The following YWHAZ variants were observed in gnomAD, a reference collection of about 807,000 sequenced individuals.
YWHAZ encodes 14-3-3 protein zeta/delta.
For synonymous variants in YWHAZ, 87 were observed against 103.6 expected (o/e 0.84, Z 0.97); for missense variants, 79 against 284.8 (o/e 0.28, Z 5.20).
chr8:100,946,132 T>C (rs897583083), intron 2 of YWHAZ, among the ~76,000 whole-genome samples: 5 of 152,198 alleles, frequency 3.3e-5, no homozygotes, highest in Admixed American at 3.3e-4. Context: ...TCCTTAATAA[T>C]CATAACAAGA....
intron 1 of YWHAZ, 109 bp from the exon 2 acceptor site, chr8:100,949,009 T>C: frequency 7.9e-7 from 1 of 1,261,184 alleles, no homozygotes; most frequent in East Asian, 2.4e-5. Context: ...TAACTGCCTG[T>C]GAAAGACTGT....
At chr8:100,952,230 C>G (rs1031864581), upstream of YWHAZ, 13 of 886,620 alleles carry the variant, frequency 1.5e-5, no homozygotes, top group Admixed American at 5.6e-4. Flanking sequence ...CGAGCGGAGG[C>G]GCGCGCGTCC....
intron 2 of YWHAZ, chr8:100,935,008 T>C (rs539466217): frequency 6.7e-6 from 1 of 150,350 alleles, no homozygotes; most frequent in South Asian, 2.1e-4. Context: ...AAAAAAAAAA[T>C]TGGATGTGGT....
At chr8:100,950,155 A>C (rs1462870607) in intron 1 of YWHAZ, among the ~76,000 whole-genome samples, 1 of 152,226 alleles carries the variant, frequency 6.6e-6, no homozygotes, top group Non-Finnish European at 1.5e-5. Context: ...CAATACGTAA[A>C]CTATTTAACC....
Position 100,917,393 on chromosome 8 carries a change from T to C in YWHAZ, c.*3300A>G, listed in dbSNP as rs1476643838. The stretch of plus-strand genomic sequence containing the variant: ...TACTAATCACACTGCTGCTCCACTT[T>C]CTGAAGGACAACTCTTAAGTGGCCA... On this transcript the variant is annotated 3_prime_UTR_variant, in exon 6 of 6. Transcript: ENST00000395958. The C allele has an allele frequency of 6.6e-6, 1 of 151,846 alleles. No individual in the cohort carries two copies. Among genetic ancestry groups the C allele is most frequent in the Non-Finnish European group, 1.5e-5 (1 of 67,950 alleles). 9.4% of individuals were successfully genotyped at this position (151,846 alleles called of 1,614,324 possible).
intron 1 of YWHAZ, chr8:100,951,127 C>A (rs192330272): frequency 1.0e-6 from 1 of 981,558 alleles, no homozygotes; most frequent in Non-Finnish European, 1.2e-6. Flanking sequence ...CTTCCTCCCA[C>A]CGCGGAGCCC....
chr8:100,922,468 C>G lies in YWHAZ; in HGVS notation c.678+1487G>C, dbSNP rs965795183. 8 of 151,608 alleles carry G rather than the reference C, an allele frequency of 5.3e-5. No individual in the cohort carries two copies. Among genetic ancestry groups the G allele is most frequent in the African/African-American group, 1.5e-4 (6 of 41,196 alleles). 9.4% of individuals were successfully genotyped at this position (151,608 alleles called of 1,614,324 possible). ...GCGGTGTGATCTCAGCTCACTGCAA[C>G]CTCTGCCTCCCGGGTTCAAGCAATT... On this transcript the variant is annotated intron_variant, in intron 5 of 5. Coordinates refer to ENST00000395958, the MANE Select transcript of YWHAZ (RefSeq NM_145690.3). This position sits in a 1 kb window ranked among gnomAD's most constrained non-coding sequence, Gnocchi z 4.1.
chr8:100,951,172 C>A, intron 1 of YWHAZ: 1 of 985,248 alleles, frequency 1.0e-6, no homozygotes, highest in East Asian at 1.1e-4. Context: ...GCGAGCCCCA[C>A]CCCAAAACCT....
intron 1 of YWHAZ, chr8:100,950,772 A>G (rs960635144): frequency 5.0e-6 from 1 of 198,922 alleles, no homozygotes; most frequent in Non-Finnish European, 8.9e-6. Context: ...CCGCTCTCCC[A>G]CCCAGCGCCT....
Position 100,927,714 on chromosome 8 carries a change from A to AAT in YWHAZ, c.295-2676_295-2675insAT, listed in dbSNP as rs533004923. On this transcript the variant is annotated intron_variant, in intron 2 of 5. Transcript: ENST00000395958. ...GGAAAGGTGTTGATAAATGCTACTA[A>AAT]AAGTAGTAATCTATCTTTTGTAGGT... 1.1e-4 allele frequency among the ~76,000 whole-genome samples: 17 copies of AAT among 152,326 alleles called. No homozygotes were observed. In the East Asian group the frequency reaches 3.3e-3, roughly 29 times the overall value.
chr8:100,930,873 C>T (rs1440702995), intron 2 of YWHAZ, among the ~76,000 whole-genome samples: 2 of 152,120 alleles, frequency 1.3e-5, no homozygotes, highest in Non-Finnish European at 1.5e-5. Context: ...ACAGCATTCA[C>T]CCTAATAATA....
At chr8:100,952,242 C>G (rs1586173896), upstream of YWHAZ, 1 of 740,790 alleles carries the variant, frequency 1.3e-6, no homozygotes, top group East Asian at 1.3e-4. Flanking sequence ...CGCGCGTCCT[C>G]GCCCGCAGCC....
intron 2 of YWHAZ, among the ~76,000 whole-genome samples, chr8:100,929,890 G>A (rs1036420267): frequency 1.3e-5 from 2 of 152,166 alleles, no homozygotes; most frequent in Admixed American, 6.5e-5. Context: ...GGTGCACCAA[G>A]TAGAGAATGG....
At chr8:100,947,391 T>C (rs905390021) in intron 2 of YWHAZ, among the ~76,000 whole-genome samples, 2 of 152,164 alleles carry the variant, frequency 1.3e-5, no homozygotes, top group African/African-American at 4.8e-5. Context: ...GTAGCTATCA[T>C]TCTAAAGGTT....
At chr8:100,950,492 A>AC (rs1810637591) in intron 1 of YWHAZ, 1 of 983,724 alleles carries the variant, frequency 1.0e-6, no homozygotes, top group African/African-American at 1.8e-5. Flanking sequence ...TATCGCAACC[A>AC]CCCCCCTCCA....
chr8:100,952,823 GCCTC>G, upstream of YWHAZ: 1 of 1,000,542 alleles, frequency 1.0e-6, no homozygotes, highest in Non-Finnish European at 1.2e-6. Flanking sequence ...GCCCCTCCCG[GCCTC>G]CCTCCCGCCG....
chr8:100,928,605 C>T (rs1330555109), intron 2 of YWHAZ, among the ~76,000 whole-genome samples: 3 of 151,908 alleles, frequency 2.0e-5, no homozygotes, highest in Admixed American at 1.3e-4. Flanking sequence ...TGGTGGCACA[C>T]GCCTGGAATC....
At chr8:100,938,405 GA>G (rs886740022) in intron 2 of YWHAZ, among the ~76,000 whole-genome samples, 8 of 152,140 alleles carry the variant, frequency 5.3e-5, no homozygotes, top group Non-Finnish European at 1.5e-5. Context: ...AAAATTCAAT[GA>G]CTCAATGAAA....
chr8:100,930,530 C>T (rs545046240), intron 2 of YWHAZ, among the ~76,000 whole-genome samples: 1 of 152,362 alleles, frequency 6.6e-6, no homozygotes, highest in East Asian at 1.9e-4. Context: ...GCACATCCTA[C>T]ACTCAAGCTA....
Sources: gnomAD v4.1 joint callset for allele counts (sites outside exome capture counted in the v4.1 genomes callset) on GRCh38, gnomAD v4.1.1 for gene constraint, Gnocchi (gnomAD v3.1) non-coding constraint, MANE v1.5 for transcripts, NCBI Gene and HGNC (gene_info 2026-07-23, HGNC 2026-07-21) for gene names.